The following SLC16A7 variants were observed in gnomAD, a reference collection of about 807,000 sequenced individuals.
SLC16A7 encodes the protein solute carrier family 16 member 7.
A neutral mutation model predicts 34.9 loss-of-function variants in SLC16A7; 33 were observed. The observed-to-expected ratio is 0.94, with a 90% CI of 0.72 to 1.26. SLC16A7 has a LOEUF of 1.26. Among genes scored for constraint, SLC16A7 ranks in the 50% most tolerant of loss-of-function variants. The pLI is 0.00. For synonymous variants in SLC16A7, 201 were observed against 206.6 expected (o/e 0.97, Z 0.23); for missense variants, 573 against 578.1 (o/e 0.99, Z 0.09).
chr12:59,628,861 T>C (rs965590717), intron 1 of SLC16A7, among the ~76,000 whole-genome samples: 3 of 151,856 alleles, frequency 2.0e-5, no homozygotes, highest in African/African-American at 7.2e-5. Flanking sequence ...CTCAAAAGAC[T>C]TTTTAAAATC....
intron 1 of SLC16A7, among the ~76,000 whole-genome samples, chr12:59,614,547 G>A (rs1316566217): frequency 6.6e-6 from 1 of 151,800 alleles, no homozygotes; most frequent in Non-Finnish European, 1.5e-5. Flanking sequence ...TGCCTGTATA[G>A]CTGCCGTAAT....
chr12:59,668,406 A>G (rs1273775481), intron 2 of SLC16A7, among the ~76,000 whole-genome samples: 1 of 152,200 alleles, frequency 6.6e-6, no homozygotes, highest in African/African-American at 2.4e-5. Flanking sequence ...TGGATTTGGG[A>G]CATGTAATCA....
intron 1 of SLC16A7, among the ~76,000 whole-genome samples, chr12:59,653,202 G>A: frequency 6.6e-6 from 1 of 151,668 alleles, no homozygotes; most frequent in Non-Finnish European, 1.5e-5. Flanking sequence ...ATGTTGTAGA[G>A]AAAAACCAGG....
chr12:59,692,108 T>C (rs1225131010), intron 2 of SLC16A7, among the ~76,000 whole-genome samples: 2 of 152,042 alleles, frequency 1.3e-5, no homozygotes, highest in East Asian at 1.9e-4. Flanking sequence ...TTCTAGCTTC[T>C]GGTGGCAGTT....
At position 59,771,876 on chromosome 12, in the gene SLC16A7, C is replaced by T. The variant is rs2137442595; in HGVS notation, c.361+514C>T. The stretch of plus-strand genomic sequence containing the variant: ...AGTGGTAGAGCTCATTAACCGTGTT[C>T]CTTCTTTTTCTTACTGAAATGATCC... On this transcript the variant is annotated intron_variant, in intron 4 of 5. Transcript: ENST00000547379. 1.3e-5 allele frequency among the ~76,000 whole-genome samples: 2 copies of T among 152,164 alleles called. 1 individual carries two copies. Among genetic ancestry groups the T allele is most frequent in the Non-Finnish European group, 2.9e-5 (2 of 67,994 alleles).
intron 1 of SLC16A7, among the ~76,000 whole-genome samples, chr12:59,626,071 C>T (rs1283937679): frequency 1.3e-5 from 2 of 151,340 alleles, no homozygotes; most frequent in Admixed American, 6.6e-5. Flanking sequence ...ATTATGTGGG[C>T]AGAGCATAAA....
At chr12:59,612,117 T>C (rs1354250061) in intron 1 of SLC16A7, among the ~76,000 whole-genome samples, 1 of 152,214 alleles carries the variant, frequency 6.6e-6, no homozygotes, top group African/African-American at 2.4e-5. Context: ...CACATTTCCC[T>C]TCCTCACTGT....
intron 3 of SLC16A7, among the ~76,000 whole-genome samples, chr12:59,751,942 G>A (rs908119837): frequency 6.6e-5 from 10 of 152,132 alleles, no homozygotes; most frequent in East Asian, 1.9e-4. Flanking sequence ...CAGCATTAGC[G>A]GTTCACGAAA....
At chr12:59,742,553 G>T (rs952803405) in intron 3 of SLC16A7, among the ~76,000 whole-genome samples, 3 of 152,174 alleles carry the variant, frequency 2.0e-5, no homozygotes, top group Non-Finnish European at 4.4e-5. Flanking sequence ...CAAGTGTTCT[G>T]CAGTTTAAAG....
intron 3 of SLC16A7, among the ~76,000 whole-genome samples, chr12:59,765,160 C>T (rs1285027686): frequency 6.6e-6 from 1 of 152,092 alleles, no homozygotes; most frequent in Non-Finnish European, 1.5e-5. Flanking sequence ...ATATCCTTCG[C>T]CCACTTTTTG....
chr12:59,600,092 A>G lies in SLC16A7; in HGVS notation c.-130+3856A>G, dbSNP rs978969757. ...TCTCGGTTTCTTCATGTGTAAAAAT[A>G]GAATAGTAACCAATTTTGTATATTG... On this transcript the variant is annotated intron_variant, in intron 1 of 5. Transcript: ENST00000547379. Among the ~76,000 whole-genome samples the G allele has an allele frequency of 2.0e-5, 3 of 152,260 alleles. No individual in the cohort carries two copies. In the South Asian group the frequency reaches 6.2e-4, roughly 32 times the overall value.
At chr12:59,629,412 G>T (rs1042889091) in intron 1 of SLC16A7, among the ~76,000 whole-genome samples, 1 of 151,882 alleles carries the variant, frequency 6.6e-6, no homozygotes, top group Non-Finnish European at 1.5e-5. Flanking sequence ...CTTCTATTCA[G>T]AAGCTATGTG....
intron 3 of SLC16A7, among the ~76,000 whole-genome samples, chr12:59,750,925 G>A (rs1463420017): frequency 3.3e-5 from 5 of 152,108 alleles, no homozygotes; most frequent in Admixed American, 3.3e-4. Flanking sequence ...CATGGATGAA[G>A]CTGGAAACCA....
At chr12:59,708,676 C>G (rs1592544368) in intron 3 of SLC16A7, among the ~76,000 whole-genome samples, 1 of 152,148 alleles carries the variant, frequency 6.6e-6, no homozygotes, top group Middle Eastern at 3.4e-3. Flanking sequence ...TTAATCACTA[C>G]TGTGGGGTCA....
At position 59,744,134 on chromosome 12, in the gene SLC16A7, C is replaced by T. The variant is rs144909540; in HGVS notation, c.218-27085C>T. Among the ~76,000 whole-genome samples the T allele has an allele frequency of 5.2e-3, 798 of 152,250 alleles. 8 individuals carry two copies. The highest frequency in any genetic ancestry group is 0.015 in the African/African-American group (618 of 41,540). ...CAGGGAAATTCTGAGCAGAAGAGGG[C>T]GAGTCCCCTGGCAAGTGCCCCACCC... On this transcript the variant is annotated intron_variant, in intron 3 of 5. Transcript: ENST00000547379.
chr12:59,717,021 G>A (rs1874984991), intron 3 of SLC16A7, among the ~76,000 whole-genome samples: 1 of 152,146 alleles, frequency 6.6e-6, no homozygotes, highest in Admixed American at 6.5e-5. Flanking sequence ...AGGTGTTTTG[G>A]CAACGGCAGC....
intron 1 of SLC16A7, among the ~76,000 whole-genome samples, chr12:59,609,567 G>A (rs1315367129): frequency 6.6e-6 from 1 of 152,122 alleles, no homozygotes; most frequent in Non-Finnish European, 1.5e-5. Flanking sequence ...TGGAGAAAGT[G>A]AGAGAGACCT....
intron 1 of SLC16A7, among the ~76,000 whole-genome samples, chr12:59,624,738 T>TTGTGTG (rs34708782): frequency 0.012 from 1,764 of 145,360 alleles, 34 homozygotes; most frequent in African/African-American, 0.039. Flanking sequence ...GCATTGTTAG[T>TTGTGTG]TGTGTGTGTG....
chr12:59,761,573 A>T (rs985895601), intron 3 of SLC16A7, among the ~76,000 whole-genome samples: 2 of 152,252 alleles, frequency 1.3e-5, no homozygotes, highest in South Asian at 4.1e-4. Flanking sequence ...CAATGATACC[A>T]AATTGTAGTA....
Sources: gnomAD v4.1 joint callset for allele counts (sites outside exome capture counted in the v4.1 genomes callset) on GRCh38, gnomAD v4.1.1 for gene constraint, MANE v1.5 for transcripts, NCBI Gene and HGNC (gene_info 2026-07-23, HGNC 2026-07-21) for gene names.